Variants in USP25 observed in about 807,000 individuals in gnomAD.
USP25 encodes the protein ubiquitin specific peptidase 25, also known as ubiquitin carboxyl-terminal hydrolase 25.
Under a neutral mutation model 158.5 loss-of-function variants are expected in USP25, and 85 were observed. The ratio of observed to expected loss-of-function variants is 0.54; its 90% CI spans 0.45 to 0.64. The LOEUF is 0.64. USP25 is among the 30% of genes least tolerant of loss of function. The probability of loss-of-function intolerance (pLI) is 0.00; values close to 1 mark genes in which losing one functional copy is unlikely to be tolerated. For missense variants in USP25, 1,242 were observed against 1,327.3 expected (o/e 0.94, Z 1.00); for synonymous variants, 464 against 460.4 (o/e 1.01, Z -0.10).
chr21:15,767,689 G>A lies in USP25; in HGVS notation c.268+1548G>A, dbSNP rs370703785. ...AAAGAAACTAGATGGGTGATAAAAG[G>A]GAAAAGGATAATTTTGACTAAAATG... On this transcript the variant is annotated intron_variant, in intron 3 of 25. Transcript: ENST00000400183. Among the ~76,000 whole-genome samples the A allele has an allele frequency of 5.9e-5, 9 of 151,948 alleles. No homozygotes were observed. In the East Asian group the frequency reaches 1.4e-3, roughly 23 times the overall value.
chr21:15,759,600 A>G (rs1356064740), intron 1 of USP25, among the ~76,000 whole-genome samples: 1 of 152,216 alleles, frequency 6.6e-6, no homozygotes, highest in Non-Finnish European at 1.5e-5. Context: ...ATAGAAAGGA[A>G]TGTCTGGGTT....
intron 9 of USP25, among the ~76,000 whole-genome samples, chr21:15,812,652 A>C (rs1050193333): frequency 7.9e-6 from 1 of 127,044 alleles, no homozygotes; most frequent in Non-Finnish European, 1.5e-5. Context: ...CTCCGTCTCA[A>C]AAAAAAAAAA....
chr21:15,793,229 T>A (rs1004157339), intron 5 of USP25, among the ~76,000 whole-genome samples: 5 of 151,640 alleles, frequency 3.3e-5, no homozygotes, highest in African/African-American at 2.4e-5. Context: ...AGAAAGAAAG[T>A]ATTTGTAAAT....
intron 5 of USP25, among the ~76,000 whole-genome samples, chr21:15,798,205 A>G (rs756860090): frequency 4.6e-5 from 7 of 151,216 alleles, no homozygotes; most frequent in Non-Finnish European, 8.9e-5. Flanking sequence ...GAATGTGGCA[A>G]CCTTTCATGA....
intron 6 of USP25, among the ~76,000 whole-genome samples, 154 bp downstream of exon 6, chr21:15,799,997 CT>C (rs1200864805): frequency 6.6e-6 from 1 of 151,088 alleles, no homozygotes; most frequent in Non-Finnish European, 1.5e-5. Context: ...AGTTCTTATC[CT>C]TTGTTAATAT....
At chr21:15,731,838 T>G (rs2030942337) in intron 1 of USP25, among the ~76,000 whole-genome samples, 1 of 152,180 alleles carries the variant, frequency 6.6e-6, no homozygotes, top group Non-Finnish European at 1.5e-5. Context: ...ACTTAAGGCT[T>G]AGGAAAGAGC....
At chr21:15,755,981 GATGGTGGCAATTTTTTGGGA>G (rs2033347633) in intron 1 of USP25, among the ~76,000 whole-genome samples, 1 of 152,154 alleles carries the variant, frequency 6.6e-6, no homozygotes, top group Non-Finnish European at 1.5e-5. Flanking sequence ...CTCTGGGAGA[GATGGTGGCAATTTTTTGGGA>G]AGGTGAGGGG....
intron 17 of USP25, 99 bp from the exon 18 acceptor site, chr21:15,842,298 GT>G: frequency 1.5e-6 from 2 of 1,297,210 alleles, no homozygotes; most frequent in East Asian, 2.5e-5. Flanking sequence ...ACTAAAATTG[GT>G]TCTTACATAA....
At chr21:15,803,590 C>T (rs890237114) in intron 6 of USP25, among the ~76,000 whole-genome samples, 2 of 151,756 alleles carry the variant, frequency 1.3e-5, no homozygotes, top group Non-Finnish European at 2.9e-5. Context: ...AACTAGGAAG[C>T]AATTTACTTT....
rs1338240078 is a variant in USP25, at chr21:15,730,132, C to G, written c.-262C>G. 1 of 167,292 alleles carries G rather than the reference C, an allele frequency of 6.0e-6. No individual in the cohort carries two copies. The highest frequency in any genetic ancestry group is 1.2e-5 in the Non-Finnish European group (1 of 82,440). 10.4% of individuals were successfully genotyped at this position (167,292 alleles called of 1,614,324 possible). ...TCCTCCGCCCGCTCATGGCCCGGGC[C>G]GCCGCGGACGAGCGGCGCTGAGGCG... is the stretch of plus-strand genomic sequence containing the variant. On this transcript the variant is annotated 5_prime_UTR_variant, in exon 1 of 26. Transcript: ENST00000400183.
intron 3 of USP25, among the ~76,000 whole-genome samples, chr21:15,769,336 T>C (rs2034217107): frequency 6.6e-6 from 1 of 152,064 alleles, no homozygotes; most frequent in South Asian, 2.1e-4. Flanking sequence ...TAAAAAAGAA[T>C]TTAGAAGTCG....
At chr21:15,748,987 CTG>C (rs1399313532) in intron 1 of USP25, among the ~76,000 whole-genome samples, 3 of 151,346 alleles carry the variant, frequency 2.0e-5, no homozygotes, top group Non-Finnish European at 4.4e-5. Flanking sequence ...TATTGTAAAA[CTG>C]TAACAGATAT....
intron 1 of USP25, among the ~76,000 whole-genome samples, chr21:15,735,696 A>C (rs887227693): frequency 1.3e-5 from 2 of 152,136 alleles, no homozygotes; most frequent in Non-Finnish European, 2.9e-5. Context: ...GAGTCATTCA[A>C]AATTGGTGGT....
intron 4 of USP25, among the ~76,000 whole-genome samples, chr21:15,780,877 T>A (rs1443703140): frequency 6.6e-6 from 1 of 152,154 alleles, no homozygotes; most frequent in Non-Finnish European, 1.5e-5. Flanking sequence ...TTAAAATTGA[T>A]CTTTGAGGAG....
In USP25 at chr21:15,829,821, T is replaced by G. The variant is rs183586023; in HGVS notation, c.1694-710T>G. ...TGTTGGGCAGGGAGGATCTTATCTTTTCCTATAAGGTTACTAGTTTTCTGA... is the reference window on the plus strand; with the variant it reads ...TGTTGGGCAGGGAGGATCTTATCTTGTCCTATAAGGTTACTAGTTTTCTGA... On this transcript the variant is annotated intron_variant, in intron 14 of 25. Coordinates refer to ENST00000400183, the MANE Select transcript of USP25 (RefSeq NM_001283041.3). Among the ~76,000 whole-genome samples the G allele has an allele frequency of 3.9e-3, 593 of 152,226 alleles. 4 individuals carry two copies. The highest frequency in any genetic ancestry group is 6.5e-3 in the Non-Finnish European group (441 of 67,994).
intron 1 of USP25, among the ~76,000 whole-genome samples, chr21:15,761,989 T>C (rs2033755464): frequency 6.6e-6 from 1 of 152,162 alleles, no homozygotes. Context: ...AAAGTTATTC[T>C]TTCTCCCTTT....
chr21:15,854,136 G>GTTTGT (rs755597116), intron 20 of USP25, among the ~76,000 whole-genome samples: 19 of 149,252 alleles, frequency 1.3e-4, no homozygotes, highest in Admixed American at 2.7e-4. Flanking sequence ...GGGAAAAGTT[G>GTTTGT]TTTGTTTTGT....
At chr21:15,784,066 A>G (rs1417442758) in intron 4 of USP25, among the ~76,000 whole-genome samples, 1 of 152,254 alleles carries the variant, frequency 6.6e-6, no homozygotes, top group East Asian at 1.9e-4. Context: ...AAAAACACTT[A>G]GAGGAAATAA....
chr21:15,830,724 A>C, intron 15 of USP25, 123 bp downstream of exon 15: 1 of 726,654 alleles, frequency 1.4e-6, no homozygotes, highest in Non-Finnish European at 2.2e-6. Flanking sequence ...GGCAAATCTT[A>C]TTGTAAAATA....
Sources: gnomAD v4.1 joint callset for allele counts (sites outside exome capture counted in the v4.1 genomes callset) on GRCh38, gnomAD v4.1.1 for gene constraint, MANE v1.5 for transcripts, NCBI Gene and HGNC (gene_info 2026-07-23, HGNC 2026-07-21) for gene names.